The following GPR39 variants were observed in gnomAD, a reference collection of about 807,000 sequenced individuals.
GPR39 encodes zinc sensing receptor.
A neutral mutation model predicts 18.4 loss-of-function variants in GPR39; 23 were observed. That is an observed-to-expected ratio of 1.25 (90% confidence interval 0.90 to 1.77). The LOEUF is 1.77. Among genes scored for constraint, GPR39 ranks in the 40% most tolerant of loss-of-function variants. GPR39 has a pLI of 0.00. For synonymous variants in GPR39, 280 were observed against 257.9 expected (o/e 1.09, Z -0.82); for missense variants, 647 against 602.4 (o/e 1.07, Z -0.78).
At chr2:132,442,790 C>T (rs138727104) in intron 1 of GPR39, among the ~76,000 whole-genome samples, 2 of 152,032 alleles carry the variant, frequency 1.3e-5, no homozygotes, top group African/African-American at 2.4e-5. Context: ...TTTGTGGTTT[C>T]GGAGATATTC....
intron 1 of GPR39, among the ~76,000 whole-genome samples, chr2:132,603,719 C>T (rs965805731): frequency 2.0e-5 from 3 of 152,070 alleles, no homozygotes; most frequent in African/African-American, 4.8e-5. Flanking sequence ...CGTGCGTGTG[C>T]GAAATGGGTT....
At chr2:132,565,331 A>G (rs924521325) in intron 1 of GPR39, among the ~76,000 whole-genome samples, 1 of 151,624 alleles carries the variant, frequency 6.6e-6, no homozygotes, top group South Asian at 2.1e-4. Flanking sequence ...ACTCTCCCCT[A>G]TGAACTCCCA....
intron 1 of GPR39, among the ~76,000 whole-genome samples, chr2:132,564,673 C>G (rs4510276): frequency 0.21 from 32,558 of 152,024 alleles, 3,749 homozygotes; most frequent in Non-Finnish European, 0.27. Flanking sequence ...TAATATCACT[C>G]TCCACGGAGT....
chr2:132,565,419 C>T (rs75666096), intron 1 of GPR39, among the ~76,000 whole-genome samples: 12,538 of 138,194 alleles, frequency 0.091, 1,807 homozygotes, highest in African/African-American at 0.31. Flanking sequence ...TTTTATTATA[C>T]TTTAAGTTTT....
intron 1 of GPR39, among the ~76,000 whole-genome samples, chr2:132,583,764 C>T (rs1224522448): frequency 1.3e-5 from 2 of 150,824 alleles, no homozygotes; most frequent in Non-Finnish European, 2.9e-5. Flanking sequence ...CACTGGGAGG[C>T]GCTCACAGGT....
At chr2:132,440,940 T>C (rs1041708468) in intron 1 of GPR39, among the ~76,000 whole-genome samples, 25 of 152,132 alleles carry the variant, frequency 1.6e-4, no homozygotes, top group Admixed American at 7.2e-4. Flanking sequence ...CCAGCCTACT[T>C]GCCTTTGTCT....
In GPR39 at chr2:132,428,059, C is replaced by A. The variant is rs531889313; in HGVS notation, c.856+10161C>A. ...CTTGATAGGGGTGACAAATGAGTCA[C>A]CTTGGTGATTGAAGCTTGCTGTAGA... is the stretch of plus-strand genomic sequence containing the variant. On this transcript the variant is annotated intron_variant, in intron 1 of 1. Coordinates refer to ENST00000329321, the MANE Select transcript of GPR39 (RefSeq NM_001508.3). 2.6e-5 allele frequency among the ~76,000 whole-genome samples: 4 copies of A among 151,308 alleles called. No individual in the cohort carries two copies. In the East Asian group the frequency reaches 7.8e-4, roughly 29 times the overall value.
chr2:132,471,319 G>A (rs567095784), intron 1 of GPR39, among the ~76,000 whole-genome samples: 4 of 151,976 alleles, frequency 2.6e-5, no homozygotes, highest in Admixed American at 2.6e-4. Context: ...CATTGATAAA[G>A]CTCTAGTCCA....
intron 1 of GPR39, among the ~76,000 whole-genome samples, chr2:132,525,274 T>C (rs1679488154): frequency 6.6e-6 from 1 of 152,210 alleles, no homozygotes; most frequent in South Asian, 2.1e-4. Context: ...AGCTTGGCCA[T>C]TGACTGAGTG....
rs551116760 is a variant in GPR39, at chr2:132,420,163, A to T, written c.856+2265A>T. On this transcript the variant is annotated intron_variant, in intron 1 of 1. Coordinates refer to ENST00000329321, the MANE Select transcript of GPR39 (RefSeq NM_001508.3). ...TATGTTAATCGCCCACTGTGTTCTC[A>T]GCATAAAGATTGTTGAATGGCAATC... Among the ~76,000 whole-genome samples, 3 of 152,270 alleles carry T rather than the reference A, an allele frequency of 2.0e-5. No homozygotes were observed. The South Asian group carries it at 6.2e-4, about 32-fold the overall frequency.
At position 132,613,451 on chromosome 2, in the gene GPR39, C is replaced by T. The variant is rs538958163; in HGVS notation, c.857-31650C>T. 3.3e-5 allele frequency among the ~76,000 whole-genome samples: 5 copies of T among 152,244 alleles called. No individual in the cohort carries two copies. In the South Asian group the frequency reaches 8.3e-4, roughly 25 times the overall value. On this transcript the variant is annotated intron_variant, in intron 1 of 1. Transcript: ENST00000329321. The stretch of plus-strand genomic sequence containing the variant: ...TAAACACCTCCTTCAGGATGATTTC[C>T]TTGGCCCTTCTGAGACTGGGTGTAC...
intron 1 of GPR39, among the ~76,000 whole-genome samples, chr2:132,500,548 G>A (rs1679008490): frequency 6.6e-6 from 1 of 151,950 alleles, no homozygotes; most frequent in Non-Finnish European, 1.5e-5. Context: ...TTCTCTTTTT[G>A]TTATGTCCTT....
intron 1 of GPR39, among the ~76,000 whole-genome samples, chr2:132,573,356 C>A (rs968468122): frequency 2.0e-5 from 3 of 152,036 alleles, no homozygotes; most frequent in African/African-American, 7.2e-5. Flanking sequence ...TTTTGTTGAC[C>A]AACACCTTGG....
At chr2:132,576,321 G>A (rs534605366) in intron 1 of GPR39, among the ~76,000 whole-genome samples, 10 of 152,124 alleles carry the variant, frequency 6.6e-5, no homozygotes, top group East Asian at 1.9e-4. Flanking sequence ...GACAAAGTGC[G>A]GTTTATCAGT....
Position 132,417,747 on chromosome 2 carries a change from G to A in GPR39, c.705G>A (p.Leu235=), listed in dbSNP as rs1679936152. 2 of 1,614,176 alleles carry A rather than the reference G, an allele frequency of 1.2e-6. No homozygotes were observed. Among genetic ancestry groups the A allele is most frequent in the Non-Finnish European group, 1.7e-6 (2 of 1,180,030 alleles). ...CCTTCGTGGTCTACCTCGTGGTCCT[G>A]CTCTCCGTAGCCTTCATGTGCTGGA... is the stretch of plus-strand genomic sequence containing the variant. The part of the protein sequence containing the change: ...FGAFVVYLVV[L]LSVAFMCWNM... Residue 235 remains leucine (L), a synonymous_variant, in exon 1 of 2, where the codon CTG becomes CTA. Coordinates refer to ENST00000329321, the MANE Select transcript of GPR39 (RefSeq NM_001508.3).
chr2:132,637,003 A>G (rs993817128), intron 1 of GPR39, among the ~76,000 whole-genome samples: 2 of 152,230 alleles, frequency 1.3e-5, no homozygotes, highest in East Asian at 3.8e-4. Flanking sequence ...ATGTAGCTGC[A>G]CCACATTTTA....
At chr2:132,631,664 A>G (rs906779359) in intron 1 of GPR39, among the ~76,000 whole-genome samples, 8 of 152,180 alleles carry the variant, frequency 5.3e-5, no homozygotes, top group African/African-American at 1.7e-4. Context: ...TTTCATTGCT[A>G]ACTTACATGA....
intron 1 of GPR39, among the ~76,000 whole-genome samples, chr2:132,424,944 C>G (rs570608358): frequency 3.7e-4 from 56 of 152,276 alleles, no homozygotes; most frequent in African/African-American, 9.6e-4. Context: ...TTCCATTCAG[C>G]AACTCCCACT....
In GPR39 at chr2:132,416,879, A is replaced by C. The variant is rs542535783; in HGVS notation, c.-164A>C. On this transcript the variant is annotated 5_prime_UTR_variant, in exon 1 of 2. An upstream start codon of the reference 5' UTR is lost. Transcript: ENST00000329321. ...GGTTGGGCTGCTCCAGCAAGTTTCC[A>C]TGAAAGCACCTGAAATACTAAGTTA... is the stretch of plus-strand genomic sequence containing the variant. 8.8e-5 allele frequency: 84 copies of C among 954,192 alleles called. No homozygotes were observed. The highest frequency in any genetic ancestry group is 1.1e-4 in the Non-Finnish European group (74 of 653,804). The allele number at this position is 954,192 out of a possible 1,614,324, so 59.1% of individuals were successfully genotyped here. A position where few individuals can be genotyped will look rare whatever the true frequency, so the allele number is the denominator to read the frequency against.
Sources: allele counts gnomAD v4.1 joint callset (sites outside exome capture counted in the v4.1 genomes callset), GRCh38; gene constraint gnomAD v4.1.1; transcripts MANE v1.5; gene names NCBI Gene and HGNC (gene_info 2026-07-23, HGNC 2026-07-21).